Variants in SLC68A1 observed in about 807,000 individuals in gnomAD.
SLC68A1 encodes major facilitator superfamily domain containing 13A.
chr10:102,470,786 C>T, the SLC68A1 span: 1 of 1,613,970 alleles, frequency 6.2e-7, no homozygotes, highest in Non-Finnish European at 8.5e-7. Context: ...CCCAGCTGGC[C>T]TGCAGTTCTT....
the SLC68A1 span, chr10:102,469,024 G>A: frequency 6.2e-7 from 1 of 1,610,302 alleles, no homozygotes; most frequent in South Asian, 1.1e-5. Context: ...GGCTGGGGCT[G>A]CAGCCATGGG....
chr10:102,467,858 G>C, the SLC68A1 span, among the ~76,000 whole-genome samples: 10 of 151,880 alleles, frequency 6.6e-5, no homozygotes, highest in Non-Finnish European at 1.5e-4. Flanking sequence ...GGGTTTCACC[G>C]TGTTGGCCAG....
chr10:102,470,559 G>A, the SLC68A1 span: 6 of 1,518,936 alleles, frequency 4.0e-6, no homozygotes, highest in Middle Eastern at 2.5e-4. Context: ...CCTGTTGTGA[G>A]TCCCACACCC....
At chr10:102,467,108 G>A in the SLC68A1 span, among the ~76,000 whole-genome samples, 244 of 152,350 alleles carry the variant, frequency 1.6e-3, 9 homozygotes, top group East Asian at 0.039. Context: ...CATGTTCTGG[G>A]CTCACTGTAA....
chr10:102,476,862 T>G, the SLC68A1 span: 1 of 985,506 alleles, frequency 1.0e-6, no homozygotes, highest in African/African-American at 1.7e-5. Context: ...CAGGGAAAGC[T>G]GACTGTAAGT....
At chr10:102,467,784 G>A in the SLC68A1 span, among the ~76,000 whole-genome samples, 2 of 152,120 alleles carry the variant, frequency 1.3e-5, no homozygotes, top group African/African-American at 4.8e-5. Context: ...AGCCTCCCTA[G>A]TAGCTGGGAT....
the SLC68A1 span, among the ~76,000 whole-genome samples, chr10:102,466,320 C>CT: frequency 6.6e-6 from 1 of 151,564 alleles, no homozygotes; most frequent in Admixed American, 6.6e-5. Flanking sequence ...CCCATCTCTA[C>CT]AAAAATACAA....
chr10:102,472,154 C>A, the SLC68A1 span: 4 of 377,580 alleles, frequency 1.1e-5, no homozygotes, highest in East Asian at 3.2e-4. Flanking sequence ...CAGAGAAAGG[C>A]TCCATCTCTA....
chr10:102,474,889 C>G, the SLC68A1 span, among the ~76,000 whole-genome samples: 3 of 151,624 alleles, frequency 2.0e-5, no homozygotes, highest in Non-Finnish European at 4.4e-5. Flanking sequence ...CTCAGGTGAT[C>G]CACCCACCTT....
chr10:102,468,180 TC>T, the SLC68A1 span: 3 of 152,248 alleles, frequency 2.0e-5, no homozygotes, highest in Admixed American at 2.0e-4. Context: ...GCACTTCCCT[TC>T]CCGTCTTCCT....
chr10:102,469,907 C>T, the SLC68A1 span: 8 of 1,519,000 alleles, frequency 5.3e-6, no homozygotes, highest in Non-Finnish European at 7.1e-6. Flanking sequence ...GGCCATCTTT[C>T]AGGGGTGGTG....
the SLC68A1 span, chr10:102,469,928 G>A: frequency 1.9e-6 from 3 of 1,568,554 alleles, no homozygotes; most frequent in South Asian, 3.5e-5. Context: ...AGCAGGCTGA[G>A]GGGGGAGGAG....
the SLC68A1 span, among the ~76,000 whole-genome samples, chr10:102,471,856 GGC>G: frequency 6.6e-6 from 1 of 152,178 alleles, no homozygotes; most frequent in African/African-American, 2.4e-5. Flanking sequence ...GTAGTCAGGA[GGC>G]CTGGATTCTA....
chr10:102,472,786 T>C, the SLC68A1 span: 1 of 1,171,094 alleles, frequency 8.5e-7, no homozygotes, highest in Admixed American at 1.7e-5. Flanking sequence ...TGTGTTCCCC[T>C]GTTGGCTTCT....
At chr10:102,471,484 G>T in the SLC68A1 span, 2 of 1,538,306 alleles carry the variant, frequency 1.3e-6, no homozygotes, top group South Asian at 1.2e-5. Context: ...ACTTGGCCAC[G>T]CATGGTGGCT....
chr10:102,468,666 C>CA, the SLC68A1 span: 73,305 of 161,182 alleles, frequency 0.45, 15,987 homozygotes, highest in Middle Eastern at 0.57. Flanking sequence ...GACTCTGTCT[C>CA]AAAAAAAAAA....
At chr10:102,476,651 G>A in the SLC68A1 span, 2 of 986,172 alleles carry the variant, frequency 2.0e-6, no homozygotes, top group Non-Finnish European at 2.4e-6. Flanking sequence ...TTGGGCAAGG[G>A]CTGGGCCATA....
the SLC68A1 span, chr10:102,469,232 G>C: frequency 6.2e-7 from 1 of 1,610,532 alleles, no homozygotes; most frequent in Middle Eastern, 1.7e-4. Flanking sequence ...CATGGAGGAG[G>C]GGGTGGGGTG....
At chr10:102,472,774 T>A in the SLC68A1 span, 1 of 1,010,218 alleles carries the variant, frequency 9.9e-7, no homozygotes, top group Non-Finnish European at 1.6e-6. Context: ...TTGGGGGGGA[T>A]GTGTGTTCCC....
Sources: gnomAD v4.1 joint callset for allele counts (sites outside exome capture counted in the v4.1 genomes callset) on GRCh38, gnomAD v4.1.1 for gene constraint, MANE v1.5 for transcripts, NCBI Gene and HGNC (gene_info 2026-07-23, HGNC 2026-07-21) for gene names.